Variants in C1orf115 observed in about 807,000 individuals in gnomAD.
The protein encoded by C1orf115 is chromosome 1 open reading frame 115.
A neutral mutation model predicts 12.5 loss-of-function variants in C1orf115; 14 were observed. That is an observed-to-expected ratio of 1.12 (90% CI 0.74 to 1.75). The LOEUF (loss-of-function observed/expected upper bound fraction) is 1.75. Among genes scored for constraint, C1orf115 ranks in the 40% most tolerant of loss-of-function variants. C1orf115 has a pLI of 0.00. For synonymous variants in C1orf115, 109 were observed against 104.6 expected (o/e 1.04, Z -0.26); for missense variants, 237 against 220.8 (o/e 1.07, Z -0.46).
chr1:220,695,081 C>T (rs371674976), intron 1 of C1orf115, among the ~76,000 whole-genome samples: 43 of 152,086 alleles, frequency 2.8e-4, no homozygotes, highest in African/African-American at 9.2e-4. Context: ...GGTCAGGCAG[C>T]ATGGGGGTTG....
At chr1:220,695,478 C>T (rs1156665947) in intron 1 of C1orf115, among the ~76,000 whole-genome samples, 1 of 150,228 alleles carries the variant, frequency 6.7e-6, no homozygotes, top group South Asian at 2.1e-4. Context: ...TGAACGTGTT[C>T]CCTGACGATG....
chr1:220,690,966 G>A (rs1670095799), intron 1 of C1orf115, among the ~76,000 whole-genome samples: 1 of 152,140 alleles, frequency 6.6e-6, no homozygotes, highest in East Asian at 1.9e-4. Context: ...ACATTCTCAA[G>A]GGGCTCCTAC....
At chr1:220,692,727 T>C (rs1670131320) in intron 1 of C1orf115, among the ~76,000 whole-genome samples, 2 of 152,204 alleles carry the variant, frequency 1.3e-5, no homozygotes, top group African/African-American at 2.4e-5. Context: ...TAGATAGAAG[T>C]GGTGGTTGCA....
intron 1 of C1orf115, among the ~76,000 whole-genome samples, chr1:220,693,740 T>C (rs1470373366): frequency 6.6e-6 from 1 of 151,726 alleles, no homozygotes; most frequent in Non-Finnish European, 1.5e-5. Context: ...CACAACAGAG[T>C]CCCTGCCCTC....
At chr1:220,691,744 T>C (rs1042072578) in intron 1 of C1orf115, among the ~76,000 whole-genome samples, 4 of 152,174 alleles carry the variant, frequency 2.6e-5, no homozygotes, top group African/African-American at 4.8e-5. Flanking sequence ...TCCCTCTCCA[T>C]TGGTGAACTG....
intron 1 of C1orf115, among the ~76,000 whole-genome samples, chr1:220,695,060 AG>A (rs1670170642): frequency 6.6e-6 from 1 of 152,166 alleles, no homozygotes; most frequent in African/African-American, 2.4e-5. Flanking sequence ...AAGACAGAAA[AG>A]CGTCCACTGG....
chr1:220,690,393 C>T lies in C1orf115; in HGVS notation c.-10C>T. ...TGCGCTCGGACCTTCGCCAGAGGGGCCGGGACATCATGACGGTGGGAGCCA... is the reference window on the plus strand; with the variant it reads ...TGCGCTCGGACCTTCGCCAGAGGGGTCGGGACATCATGACGGTGGGAGCCA... On this transcript the variant is annotated 5_prime_UTR_variant, in exon 1 of 2. Transcript: ENST00000294889. The T allele has an allele frequency of 1.4e-6, 2 of 1,412,312 alleles. No homozygotes were observed. The highest frequency in any genetic ancestry group is 1.8e-6 in the Non-Finnish European group (2 of 1,091,120). 87.5% of individuals were successfully genotyped at this position (1,412,312 alleles called of 1,614,324 possible).
rs765526130 is a variant in C1orf115, at chr1:220,690,676, A to G, written c.274A>G (p.Lys92Glu). ...EEPAPSEQPR[K>E]RYRRKLKKYG... The stretch of plus-strand genomic sequence containing the variant: ...GCCGGCGCCGAGCGAGCAGCCCAGG[A>G]AGAGGTACCGGAGGAAGCTGAAGAA... Residue 92 changes from lysine to glutamate, a missense_variant, in exon 1 of 2, where the codon AAG becomes GAG. Physicochemically the swap from Lys to Glu is moderately conservative, Grantham distance 56 (BLOSUM62 1). Transcript: ENST00000294889. The G allele has an allele frequency of 1.0e-5, 16 of 1,596,542 alleles. No individual in the cohort carries two copies. In the East Asian group the frequency reaches 3.7e-4, roughly 37 times the overall value.
chr1:220,690,785 T>TA (rs1670090669), intron 1 of C1orf115, 74 bp downstream of exon 1: 1 of 1,487,932 alleles, frequency 6.7e-7, no homozygotes, highest in South Asian at 1.2e-5. Context: ...GCCGGGTCCT[T>TA]ACCATCGACT....
rs1670108028 is a variant in C1orf115, at chr1:220,691,540, C to T, written c.309+829C>T. Among the ~76,000 whole-genome samples, 3 of 152,178 alleles carry T rather than the reference C, an allele frequency of 2.0e-5. No homozygotes were observed. The South Asian group carries it at 6.2e-4, about 32-fold the overall frequency. ...ATTTATCTGTGTTGCCCAATGCCGT[C>T]TTACACCTGAAGCCATTCAGTCTCC... On this transcript the variant is annotated intron_variant, in intron 1 of 1. Coordinates refer to ENST00000294889, the MANE Select transcript of C1orf115 (RefSeq NM_024709.5).
chr1:220,696,699 G>A lies in C1orf115; in HGVS notation c.397G>A (p.Val133Ile). The A allele has an allele frequency of 6.3e-7, 1 of 1,599,474 alleles. No individual in the cohort carries two copies. The highest frequency in any genetic ancestry group is 8.6e-7 in the Non-Finnish European group (1 of 1,167,756). ...FAAAYSAPFA[V>I]ATSVVSFVR ...TGCAGCCTACTCCGCCCCGTTTGCG[G>A]TAGCCACCAGCGTGGTATCCTTCGT... Residue 133 changes from valine (V) to isoleucine (I), a missense_variant, in exon 2 of 2, where the codon GTA becomes ATA. Coordinates refer to ENST00000294889, the MANE Select transcript of C1orf115 (RefSeq NM_024709.5).
intron 1 of C1orf115, among the ~76,000 whole-genome samples, chr1:220,695,980 C>T (rs1317485450): frequency 6.6e-6 from 1 of 152,072 alleles, no homozygotes; most frequent in Non-Finnish European, 1.5e-5. Context: ...CCTGAATGTC[C>T]CCTACCCAGC....
chr1:220,690,845 T>G (rs1670092093), intron 1 of C1orf115, 134 bp downstream of exon 1: 100 of 1,028,074 alleles, frequency 9.7e-5, no homozygotes, highest in Non-Finnish European at 1.3e-4. Flanking sequence ...CCCGCTCCCA[T>G]TCCCTCGCCG....
At chr1:220,694,126 G>A (rs1402209673) in intron 1 of C1orf115, among the ~76,000 whole-genome samples, 2 of 147,344 alleles carry the variant, frequency 1.4e-5, no homozygotes, top group Non-Finnish European at 3.0e-5. Flanking sequence ...AGAAGTCATA[G>A]GAAATTATAG....
rs375888755 is a variant in C1orf115, at chr1:220,696,646, A to G, written c.344A>G (p.Tyr115Cys). ...VGKVIIKGCR[Y>C]VVIGLQGFAA... ...AAGGTCATCATCAAAGGATGCCGCT[A>G]CGTGGTCATCGGCCTGCAAGGCTTC... Residue 115 changes from tyrosine to cysteine, a missense_variant, in exon 2 of 2, where the codon TAC (tyrosine) becomes TGC (cysteine). Physicochemically the swap from Tyr to Cys is radical, Grantham distance 194. Coordinates refer to ENST00000294889, the MANE Select transcript of C1orf115 (RefSeq NM_024709.5). The G allele has an allele frequency of 6.9e-6, 11 of 1,600,178 alleles. No homozygotes were observed. Among genetic ancestry groups the G allele is most frequent in the Non-Finnish European group, 9.4e-6 (11 of 1,168,532 alleles).
intron 1 of C1orf115, among the ~76,000 whole-genome samples, chr1:220,691,300 C>G (rs888081160): frequency 6.6e-6 from 1 of 152,048 alleles, no homozygotes; most frequent in Non-Finnish European, 1.5e-5. Flanking sequence ...CCGTTTGTCT[C>G]GGGGAGATGG....
rs1350935350 is a variant in C1orf115 at position 220,696,993 on chromosome 1, G to A, written c.*262G>A. 1.8e-5 allele frequency: 6 copies of A among 330,600 alleles called. No individual in the cohort carries two copies. Among genetic ancestry groups the A allele is most frequent in the South Asian group, 9.8e-5 (1 of 10,200 alleles). 20.5% of individuals were successfully genotyped at this position (330,600 alleles called of 1,614,324 possible). On this transcript the variant is annotated 3_prime_UTR_variant, in exon 2 of 2. Coordinates refer to ENST00000294889, the MANE Select transcript of C1orf115 (RefSeq NM_024709.5). ...GGTTAGGTTTGGGAGTGGAGCTAGC[G>A]TGCTAAAGCCAGAGCCTTCACGTGA...
intron 1 of C1orf115, among the ~76,000 whole-genome samples, chr1:220,691,711 T>C (rs989229184): frequency 2.0e-5 from 3 of 152,242 alleles, no homozygotes; most frequent in East Asian, 3.8e-4. Flanking sequence ...TGGGTCCCAG[T>C]TGAGCACAAA....
rs1468019811 is a variant in C1orf115, at chr1:220,698,916, C to G, written c.*2185C>G. On this transcript the variant is annotated 3_prime_UTR_variant, in exon 2 of 2. Coordinates refer to ENST00000294889, the MANE Select transcript of C1orf115 (RefSeq NM_024709.5). ...ATGTCACTCAACCTGAGCCGTCATT[C>G]TCTGTGGCAGGGCTGCCCTGGGTTT... The G allele has an allele frequency of 6.6e-6, 1 of 152,212 alleles. No individual in the cohort carries two copies. The allele number at this position is 152,212 out of a possible 1,614,324, so 9.4% of individuals were successfully genotyped here.
Sources: allele counts gnomAD v4.1 joint callset (sites outside exome capture counted in the v4.1 genomes callset), GRCh38; gene constraint gnomAD v4.1.1; transcripts MANE v1.5; gene names NCBI Gene and HGNC (gene_info 2026-07-23, HGNC 2026-07-21).